DERA: variants seen among roughly 807,000 people sequenced by gnomAD.
DERA encodes the protein 2-deoxy-D-ribose 5-phosphate aldolase.
In DERA, 15 loss-of-function variants were observed where a neutral mutation model predicts 41.1. That is an observed-to-expected ratio of 0.37 (90% confidence interval 0.24 to 0.56). The LOEUF is 0.56. Among genes scored for constraint, DERA ranks in the 20% least tolerant of loss-of-function variants. The pLI, the probability that DERA is intolerant of heterozygous loss-of-function variation, is 0.81. For synonymous variants in DERA, 139 were observed against 137.4 expected, an observed-to-expected ratio of 1.01 and a Z score of -0.08; for missense variants, 396 against 403.4, an observed-to-expected ratio of 0.98 and a Z score of 0.16.
chr12:16,035,628 A>G lies in DERA; in HGVS notation c.751-604A>G, dbSNP rs1358845855. 6.6e-6 allele frequency among the ~76,000 whole-genome samples: 1 copy of G among 152,164 alleles called. No homozygotes were observed. The highest frequency in any genetic ancestry group is 1.5e-5 in the Non-Finnish European group (1 of 68,030). ...CGGTGTTTTTCTACTGCCCTTATGT[A>G]ACTGGTCTGCCAGCTTTTTAGAACT... On this transcript the variant is annotated intron_variant, in intron 7 of 8. Coordinates refer to ENST00000428559, the MANE Select transcript of DERA (RefSeq NM_015954.4). This position sits in a 1 kb window ranked among gnomAD's most constrained non-coding sequence, Gnocchi z 4.1.
At chr12:15,945,528 G>C (rs1948440661) in intron 1 of DERA, among the ~76,000 whole-genome samples, 1 of 152,094 alleles carries the variant, frequency 6.6e-6, no homozygotes, top group Admixed American at 6.6e-5. Context: ...TTGGCTCTCT[G>C]TCTGTTATTG....
intron 6 of DERA, among the ~76,000 whole-genome samples, chr12:16,029,172 C>T (rs1427907318): frequency 1.3e-5 from 2 of 152,158 alleles, no homozygotes; most frequent in African/African-American, 2.4e-5. Flanking sequence ...CGGTGGCTCA[C>T]GCCTGTAATC....
rs1002644213 is a variant in DERA at position 16,000,477 on chromosome 12, T to C, written c.637+18041T>C. On this transcript the variant is annotated intron_variant, in intron 6 of 8. Transcript: ENST00000428559. The surrounding 1 kb of genome is among the most constrained non-coding windows in gnomAD (Gnocchi z 4.8). ...AGGAGGAAAAGGAAATTCATGCTTTTACTTGAATTATCAGGATGATGCTTT... is the reference window on the plus strand; with the variant it reads ...AGGAGGAAAAGGAAATTCATGCTTTCACTTGAATTATCAGGATGATGCTTT... Among the ~76,000 whole-genome samples the C allele has an allele frequency of 2.6e-5, 4 of 152,226 alleles. No homozygotes were observed. Among genetic ancestry groups the C allele is most frequent in the African/African-American group, 7.2e-5 (3 of 41,466 alleles).
At chr12:15,971,854 C>A (rs1422605192) in intron 5 of DERA, 1 of 298,934 alleles carries the variant, frequency 3.3e-6, no homozygotes, top group South Asian at 3.7e-5. Context: ...GGAACCATTG[C>A]TAAAGTGAAC....
At chr12:15,926,757 A>AC (rs1426581557) in intron 1 of DERA, among the ~76,000 whole-genome samples, 1 of 151,326 alleles carries the variant, frequency 6.6e-6, no homozygotes, top group Non-Finnish European at 1.5e-5. Context: ...AAAAAAAAAA[A>AC]AAAAGAAACA....
chr12:15,938,800 A>T lies in DERA; in HGVS notation c.32-18136A>T, dbSNP rs1379725308. ...TATAAGACAAAACTTGTCAAATAAG[A>T]TGTTTCTGTTTATGATCCTTTGGGA... On this transcript the variant is annotated intron_variant, in intron 1 of 8. Coordinates refer to ENST00000428559, the MANE Select transcript of DERA (RefSeq NM_015954.4). This position sits in a 1 kb window ranked among gnomAD's most constrained non-coding sequence, Gnocchi z 4.1. Among the ~76,000 whole-genome samples, 1 of 152,204 alleles carries T rather than the reference A, an allele frequency of 6.6e-6. No homozygotes were observed. Among genetic ancestry groups the T allele is most frequent in the African/African-American group, 2.4e-5 (1 of 41,456 alleles).
intron 6 of DERA, among the ~76,000 whole-genome samples, chr12:16,015,787 A>G (rs1948977265): frequency 6.6e-6 from 1 of 152,234 alleles, no homozygotes; most frequent in Non-Finnish European, 1.5e-5. Flanking sequence ...ACTTTAAAAT[A>G]TAAATTCAGG....
chr12:15,963,319 A>T (rs1948601048), intron 5 of DERA, among the ~76,000 whole-genome samples: 1 of 152,216 alleles, frequency 6.6e-6, no homozygotes, highest in Admixed American at 6.5e-5. Flanking sequence ...CAAGTCTTTT[A>T]TGCAAAGTTT....
rs1163038927 is a variant in DERA, at chr12:15,989,585, A to G, written c.637+7149A>G. 6.6e-6 allele frequency among the ~76,000 whole-genome samples: 1 copy of G among 152,004 alleles called. No homozygotes were observed. Among genetic ancestry groups the G allele is most frequent in the Non-Finnish European group, 1.5e-5 (1 of 67,992 alleles). On this transcript the variant is annotated intron_variant, in intron 6 of 8. Coordinates refer to ENST00000428559, the MANE Select transcript of DERA (RefSeq NM_015954.4). The surrounding 1 kb of genome is among the most constrained non-coding windows in gnomAD (Gnocchi z 5.2). Reference sequence around the variant, plus strand: ...TTTAATTTTTTAGTGCCTGAGTTTTATTGTTATTTATAGCAGGAGGGCGAG... The same window carrying G: ...TTTAATTTTTTAGTGCCTGAGTTTTGTTGTTATTTATAGCAGGAGGGCGAG...
chr12:15,971,527 T>A (rs3782548), intron 5 of DERA, among the ~76,000 whole-genome samples: 1 of 147,036 alleles, frequency 6.8e-6, no homozygotes, highest in Non-Finnish European at 1.5e-5. Context: ...TTTTTTTTTT[T>A]TTTTTTGAGA....
intron 1 of DERA, among the ~76,000 whole-genome samples, chr12:15,920,014 AAGAG>A (rs10538847): frequency 0.01 from 1,572 of 150,088 alleles, 28 homozygotes; most frequent in African/African-American, 0.037. Context: ...GTGAGAGAGA[AAGAG>A]AGAGAGAGGG....
chr12:16,007,975 C>T (rs886648233), intron 6 of DERA, among the ~76,000 whole-genome samples: 9 of 152,140 alleles, frequency 5.9e-5, no homozygotes, highest in Non-Finnish European at 1.2e-4. Context: ...CTCAGCCTCC[C>T]TAGTAGCTGA....
chr12:15,939,377 A>C (rs1434955348), intron 1 of DERA, among the ~76,000 whole-genome samples: 2 of 152,172 alleles, frequency 1.3e-5, no homozygotes, highest in African/African-American at 4.8e-5. Context: ...TTTTAGCCAC[A>C]ATGTTTTGTG....
intron 4 of DERA, 62 bp from the exon 5 acceptor site, chr12:15,962,751 C>CT: frequency 6.9e-7 from 1 of 1,449,530 alleles, no homozygotes; most frequent in Non-Finnish European, 9.3e-7. Flanking sequence ...CCCTCCCCCC[C>CT]TTGCTTACTT....
In DERA at chr12:15,928,621, CT is replaced by C. The variant is rs1948304505; in HGVS notation, c.31+17209del. On this transcript the variant is annotated intron_variant, in intron 1 of 8. Transcript: ENST00000428559. The surrounding 1 kb of genome is among the most constrained non-coding windows in gnomAD (Gnocchi z 4.6). ...ATTTTGCCTGTGGGTGTGTTGGACT[CT>C]TATTGCATGCTTTTCCCACCCCCGA... is the stretch of plus-strand genomic sequence containing the variant. Among the ~76,000 whole-genome samples, 1 of 152,262 alleles carries C rather than the reference CT, an allele frequency of 6.6e-6. No individual in the cohort carries two copies. Among genetic ancestry groups the C allele is most frequent in the South Asian group, 2.1e-4 (1 of 4,824 alleles).
intron 5 of DERA, among the ~76,000 whole-genome samples, chr12:15,971,111 A>G (rs1948656540): frequency 6.6e-6 from 1 of 152,216 alleles, no homozygotes; most frequent in South Asian, 2.1e-4. Flanking sequence ...AGAGACTTCA[A>G]CAGCCCCGGA....
Position 15,966,478 on chromosome 12 carries a change from G to C in DERA, c.508+3531G>C. 6.7e-6 allele frequency among the ~76,000 whole-genome samples: 1 copy of C among 150,108 alleles called. No homozygotes were observed. Among genetic ancestry groups the C allele is most frequent in the East Asian group, 2.0e-4 (1 of 5,128 alleles). On this transcript the variant is annotated intron_variant, in intron 5 of 8. Transcript: ENST00000428559. The surrounding 1 kb of genome is among the most constrained non-coding windows in gnomAD (Gnocchi z 5.1). ...GATTCCCTCTCAAAAAAAAAAAAAAGAATTCTGCAAAGAGTTATATTTATT... is the reference window on the plus strand; with the variant it reads ...GATTCCCTCTCAAAAAAAAAAAAAACAATTCTGCAAAGAGTTATATTTATT...
At chr12:15,969,516 C>A (rs768905023) in intron 5 of DERA, among the ~76,000 whole-genome samples, 1 of 152,174 alleles carries the variant, frequency 6.6e-6, no homozygotes, top group Non-Finnish European at 1.5e-5. Context: ...AAGTACCATT[C>A]GTCTCCTGTA....
At chr12:15,944,716 A>C (rs1948434043) in intron 1 of DERA, among the ~76,000 whole-genome samples, 2 of 152,302 alleles carry the variant, frequency 1.3e-5, no homozygotes, top group South Asian at 4.1e-4. Context: ...TTTGCTGTGC[A>C]GAAGCTCTTT....
Sources: allele counts gnomAD v4.1 joint callset (sites outside exome capture counted in the v4.1 genomes callset), GRCh38; gene constraint gnomAD v4.1.1; non-coding constraint Gnocchi (gnomAD v3.1); transcripts MANE v1.5; gene names NCBI Gene and HGNC (gene_info 2026-07-23, HGNC 2026-07-21).